The following MIPOL1 variants were observed in gnomAD, a reference collection of about 807,000 sequenced individuals.
MIPOL1 encodes the protein mirror-image polydactyly gene 1 protein.
MIPOL1 carries 57 observed loss-of-function variants against 60.9 expected under a neutral mutation model. The ratio of observed to expected loss-of-function variants is 0.94; its 90% confidence interval spans 0.76 to 1.17. The LOEUF (loss-of-function observed/expected upper bound fraction) is 1.17, where lower values mean the gene tolerates loss of function less well. Among genes scored for constraint, MIPOL1 ranks in the 50% most tolerant of loss-of-function variants. MIPOL1 has a pLI of 0.00. For missense variants in MIPOL1, 551 were observed against 511.6 expected (o/e 1.08, Z -0.74); for synonymous variants, 179 against 168.8 (o/e 1.06, Z -0.47).
intron 1 of MIPOL1, among the ~76,000 whole-genome samples, chr14:37,202,200 A>G (rs1443324646): frequency 2.0e-5 from 3 of 152,204 alleles, no homozygotes; most frequent in Non-Finnish European, 4.4e-5. Context: ...AATACTAATG[A>G]AGGGTGTGAG....
intron 11 of MIPOL1, among the ~76,000 whole-genome samples, chr14:37,429,862 A>G (rs2094029416): frequency 6.6e-6 from 1 of 152,006 alleles, no homozygotes; most frequent in Non-Finnish European, 1.5e-5. Flanking sequence ...TGGTAGTGAT[A>G]GTTTTTTATT....
intron 11 of MIPOL1, among the ~76,000 whole-genome samples, chr14:37,465,825 C>A (rs924488489): frequency 6.6e-6 from 1 of 152,066 alleles, no homozygotes; most frequent in African/African-American, 2.4e-5. Flanking sequence ...AACTCCCTTC[C>A]CAATCTGTAA....
chr14:37,279,550 A>G (rs541168259), intron 6 of MIPOL1, among the ~76,000 whole-genome samples: 129 of 152,198 alleles, frequency 8.5e-4, no homozygotes, highest in Non-Finnish European at 1.6e-3. Flanking sequence ...CAAATTTCAC[A>G]TCTAACCTAA....
chr14:37,479,269 A>G (rs1259801945), intron 11 of MIPOL1, among the ~76,000 whole-genome samples: 1 of 152,168 alleles, frequency 6.6e-6, no homozygotes, highest in African/African-American at 2.4e-5. Context: ...CACATGGAAC[A>G]TTCTCCAGGA....
At chr14:37,408,701 A>G (rs2093633157) in intron 10 of MIPOL1, among the ~76,000 whole-genome samples, 1 of 152,172 alleles carries the variant, frequency 6.6e-6, no homozygotes, top group South Asian at 2.1e-4. Context: ...CAAATGTGAG[A>G]ATTATAAACA....
intron 7 of MIPOL1, among the ~76,000 whole-genome samples, chr14:37,291,913 A>G (rs776266249): frequency 6.4e-5 from 9 of 139,772 alleles, no homozygotes; most frequent in Non-Finnish European, 1.2e-4. Context: ...CAATGGCAAT[A>G]ATTTTTTTTT....
At chr14:37,250,794 A>C (rs557920836) in intron 3 of MIPOL1, among the ~76,000 whole-genome samples, 2 of 152,284 alleles carry the variant, frequency 1.3e-5, no homozygotes, top group South Asian at 2.1e-4. Context: ...TAAGTTAATT[A>C]AAACTTGTAT....
intron 11 of MIPOL1, among the ~76,000 whole-genome samples, chr14:37,444,688 T>C (rs2094304804): frequency 1.3e-5 from 2 of 151,950 alleles, no homozygotes; most frequent in South Asian, 2.1e-4. Context: ...ATCCGGAGGA[T>C]AAGAGAATCC....
intron 1 of MIPOL1, among the ~76,000 whole-genome samples, chr14:37,204,173 C>G (rs1037582415): frequency 6.6e-6 from 1 of 152,066 alleles, no homozygotes; most frequent in African/African-American, 2.4e-5. Flanking sequence ...GCACCCCTGG[C>G]TGACACTTCG....
intron 11 of MIPOL1, among the ~76,000 whole-genome samples, chr14:37,432,362 A>G (rs888506692): frequency 2.0e-5 from 3 of 152,214 alleles, no homozygotes; most frequent in Non-Finnish European, 2.9e-5. Flanking sequence ...TAGTAAATAT[A>G]TGTCCACAAA....
chr14:37,524,389 G>T (rs894500378), intron 12 of MIPOL1, among the ~76,000 whole-genome samples: 6 of 151,994 alleles, frequency 3.9e-5, no homozygotes, highest in Non-Finnish European at 8.8e-5. Context: ...CCAGATAATT[G>T]TCTTGAACAG....
At chr14:37,429,841 T>G (rs1224632057) in intron 11 of MIPOL1, among the ~76,000 whole-genome samples, 1 of 152,134 alleles carries the variant, frequency 6.6e-6, no homozygotes, top group African/African-American at 2.4e-5. Flanking sequence ...GGTTTTTTTG[T>G]TTTGTTTTAA....
rs1289307822 is a variant in MIPOL1 at position 37,550,104 on chromosome 14, T to C, written c.*3133T>C. The C allele has an allele frequency of 2.0e-5, 3 of 151,596 alleles. No homozygotes were observed. In the East Asian group the frequency reaches 5.8e-4, roughly 29 times the overall value. 9.4% of individuals were successfully genotyped at this position (151,596 alleles called of 1,614,324 possible). On this transcript the variant is annotated 3_prime_UTR_variant, in exon 13 of 13. Transcript: ENST00000684589. ...TTATTAATGTATTTTAAATATGGAGTAAAATATTTTGCTAATTTTTTTCAA... is the reference window on the plus strand; with the variant it reads ...TTATTAATGTATTTTAAATATGGAGCAAAATATTTTGCTAATTTTTTTCAA...
At chr14:37,525,316 C>G (rs550319258) in intron 12 of MIPOL1, among the ~76,000 whole-genome samples, 46 of 152,242 alleles carry the variant, frequency 3.0e-4, no homozygotes, top group African/African-American at 1.0e-3. Context: ...TGTGGGGACA[C>G]TTAGAAAGGA....
rs868163658 is a variant in MIPOL1, at chr14:37,232,585, T to C, written c.-198-14518T>C. On this transcript the variant is annotated intron_variant, in intron 1 of 12. Transcript: ENST00000684589. The stretch of plus-strand genomic sequence containing the variant: ...TTCTTTTTCCTCTTCTGTCAACACA[T>C]ACTTGTACCTTTTAATATCCTCTTA... Among the ~76,000 whole-genome samples the C allele has an allele frequency of 3.9e-5, 6 of 152,274 alleles. No homozygotes were observed. In the South Asian group the frequency reaches 8.3e-4, roughly 21 times the overall value.
intron 9 of MIPOL1, among the ~76,000 whole-genome samples, chr14:37,310,787 G>A (rs575947781): frequency 4.6e-5 from 7 of 152,214 alleles, no homozygotes; most frequent in African/African-American, 1.7e-4. Context: ...GCAAGGGCCC[G>A]ACTCCTGGAC....
intron 9 of MIPOL1, among the ~76,000 whole-genome samples, chr14:37,318,327 G>T (rs1567443203): frequency 6.6e-6 from 1 of 152,044 alleles, no homozygotes; most frequent in African/African-American, 2.4e-5. Context: ...TAAAATATTA[G>T]AAATTTGACA....
chr14:37,547,598 G>A lies in MIPOL1; in HGVS notation c.*627G>A, dbSNP rs1010385402. The A allele has an allele frequency of 6.6e-6, 1 of 152,500 alleles. No homozygotes were observed. The highest frequency in any genetic ancestry group is 1.5e-5 in the Non-Finnish European group (1 of 67,988). 9.4% of individuals were successfully genotyped at this position (152,500 alleles called of 1,614,324 possible). ...TTACATTCATCAAGGCATGATTTTT[G>A]TTTCACTACAAATAATGCAAACTGT... On this transcript the variant is annotated 3_prime_UTR_variant, in exon 13 of 13. Coordinates refer to ENST00000684589, the MANE Select transcript of MIPOL1 (RefSeq NM_001388067.1).
At chr14:37,516,295 A>G (rs1282523925) in intron 12 of MIPOL1, among the ~76,000 whole-genome samples, 2 of 152,176 alleles carry the variant, frequency 1.3e-5, no homozygotes, top group East Asian at 1.9e-4. Context: ...TGTTTTTTCA[A>G]CCTCAAAAAT....
Sources: gnomAD v4.1 joint callset for allele counts (sites outside exome capture counted in the v4.1 genomes callset) on GRCh38, gnomAD v4.1.1 for gene constraint, MANE v1.5 for transcripts, NCBI Gene and HGNC (gene_info 2026-07-23, HGNC 2026-07-21) for gene names.